The following FRAS1 variants were observed in gnomAD, a reference collection of about 807,000 sequenced individuals.
FRAS1 encodes the protein extracellular matrix organizing protein FRAS1.
A neutral mutation model predicts 435.2 loss-of-function variants in FRAS1; 290 were observed. The ratio of observed to expected loss-of-function variants is 0.67; its 90% CI spans 0.61 to 0.73. The LOEUF (loss-of-function observed/expected upper bound fraction) is 0.73. Among genes scored for constraint, FRAS1 ranks in the 30% least tolerant of loss-of-function variants. The pLI, the probability that FRAS1 is intolerant of heterozygous loss-of-function variation, is 0.00. For synonymous variants in FRAS1, 1,800 were observed against 1,851.0 expected, an observed-to-expected ratio of 0.97 and a Z score of 0.71; for missense variants, 4,860 against 5,001.5, an observed-to-expected ratio of 0.97 and a Z score of 0.85.
chr4:78,284,229 A>ATTTTTTTTTTTT lies in FRAS1; in HGVS notation c.1256-164_1256-153dup, dbSNP rs11453256. 1.8e-3 allele frequency among the ~76,000 whole-genome samples: 144 copies of ATTTTTTTTTTTT among 80,714 alleles called. 1 individual carries two copies. Among genetic ancestry groups the ATTTTTTTTTTTT allele is most frequent in the Non-Finnish European group, 2.4e-3 (100 of 42,346 alleles). The allele number at this position is 80,714 out of a possible 152,430, so 53.0% of individuals were successfully genotyped here. A position where few individuals can be genotyped will look rare whatever the true frequency, so the allele number is the denominator to read the frequency against. On this transcript the variant is annotated intron_variant, in intron 12 of 73. Transcript: ENST00000512123. ...TCCTTGCAATCTTGCATTGGAATGTATTTTTTTTTTTTTTTTTTTTTTTGC... is the reference window on the plus strand; with the variant it reads ...TCCTTGCAATCTTGCATTGGAATGTATTTTTTTTTTTTTTTTTTTTTTTTTTTTTTTTTTTGC...
At chr4:78,391,658 A>G (rs1351816081) in intron 29 of FRAS1, among the ~76,000 whole-genome samples, 1 of 152,084 alleles carries the variant, frequency 6.6e-6, no homozygotes, top group African/African-American at 2.4e-5. Flanking sequence ...TTACTCTTTG[A>G]GCAGTATTTT....
At chr4:78,457,321 G>T (rs887766104) in intron 47 of FRAS1, among the ~76,000 whole-genome samples, 4 of 152,182 alleles carry the variant, frequency 2.6e-5, no homozygotes, top group African/African-American at 7.2e-5. Flanking sequence ...TGCACCACAG[G>T]GGGGCAGTGG....
intron 57 of FRAS1, 130 bp downstream of exon 57, chr4:78,482,094 A>C: frequency 1.0e-6 from 1 of 964,244 alleles, no homozygotes; most frequent in Non-Finnish European, 1.5e-6. Flanking sequence ...AAAAACACAC[A>C]TACATAAACA....
At chr4:78,428,980 A>C (rs1466976244) in intron 35 of FRAS1, 115 bp from the exon 36 acceptor site, 2 of 1,065,434 alleles carry the variant, frequency 1.9e-6, no homozygotes, top group African/African-American at 3.2e-5. Context: ...TTCTAGCTAC[A>C]TATTTGTGGA....
At chr4:78,327,413 C>T (rs1729764562) in intron 18 of FRAS1, among the ~76,000 whole-genome samples, 1 of 152,098 alleles carries the variant, frequency 6.6e-6, no homozygotes, top group Non-Finnish European at 1.5e-5. Context: ...AAAGTAGGGA[C>T]ACTTTATCAC....
chr4:78,381,958 T>C (rs1168880597), intron 27 of FRAS1, among the ~76,000 whole-genome samples: 2 of 152,114 alleles, frequency 1.3e-5, no homozygotes, highest in Non-Finnish European at 2.9e-5. Context: ...CCATGGAAAA[T>C]AAAATTATTG....
At chr4:78,152,800 G>A (rs531948426) in intron 2 of FRAS1, among the ~76,000 whole-genome samples, 7 of 152,028 alleles carry the variant, frequency 4.6e-5, no homozygotes, top group Admixed American at 2.6e-4. Context: ...TGCTCCTTTG[G>A]TTGGATCTAA....
At position 78,499,888 on chromosome 4, in the gene FRAS1, T is replaced by C; in HGVS notation, c.9283T>C (p.Tyr3095His). 1 of 1,586,782 alleles carries C rather than the reference T, an allele frequency of 6.3e-7. No homozygotes were observed. The highest frequency in any genetic ancestry group is 8.6e-7 in the Non-Finnish European group (1 of 1,160,910). The change falls in exon 61 of 74, where the codon TAC becomes CAC. Residue 3095 changes from tyrosine (Y) to histidine (H), a missense_variant. Coordinates refer to ENST00000512123, the MANE Select transcript of FRAS1 (RefSeq NM_025074.7). The part of the protein sequence containing the change: ...DGSAQSGVDY[Y>H]PKSRVLKFSP... ...CTCTGCCCAGTCTGGTGTGGATTATTACCCAAAGAGCCGAGTCTTGAAGTT... is the reference window on the plus strand; with the variant it reads ...CTCTGCCCAGTCTGGTGTGGATTATCACCCAAAGAGCCGAGTCTTGAAGTT...
At chr4:78,489,963 G>GAAAAAA (rs1553891063) in intron 59 of FRAS1, among the ~76,000 whole-genome samples, 41 of 5,940 alleles carry the variant, frequency 6.9e-3, no homozygotes, top group East Asian at 0.019. Context: ...AAAGCTAGTG[G>GAAAAAA]AAAACAAAAA....
intron 2 of FRAS1, among the ~76,000 whole-genome samples, chr4:78,178,159 GT>G (rs1721853622): frequency 6.6e-6 from 1 of 151,990 alleles, no homozygotes; most frequent in Non-Finnish European, 1.5e-5. Flanking sequence ...TCTTGTGGCT[GT>G]TTTTCTTTCT....
At chr4:78,100,355 T>C (rs1410858161) in intron 2 of FRAS1, among the ~76,000 whole-genome samples, 1 of 152,226 alleles carries the variant, frequency 6.6e-6, no homozygotes, top group Non-Finnish European at 1.5e-5. Context: ...GTTGTGAATA[T>C]GAGGAAATTC....
At chr4:78,510,852 G>T (rs188897988) in intron 63 of FRAS1, among the ~76,000 whole-genome samples, 49 of 152,294 alleles carry the variant, frequency 3.2e-4, no homozygotes, top group African/African-American at 1.2e-3. Context: ...GAGACCATGA[G>T]AATTCCTGGG....
chr4:78,239,978 C>T (rs145405671), intron 3 of FRAS1, among the ~76,000 whole-genome samples: 83 of 152,052 alleles, frequency 5.5e-4, no homozygotes, highest in African/African-American at 1.7e-3. Flanking sequence ...TGGTATTTTT[C>T]GTTTACTGTC....
At chr4:78,460,121 A>G (rs1284745988) in intron 47 of FRAS1, among the ~76,000 whole-genome samples, 1 of 152,190 alleles carries the variant, frequency 6.6e-6, no homozygotes, top group African/African-American at 2.4e-5. Flanking sequence ...GGACATGGAC[A>G]TGGGTAACAT....
chr4:78,063,226 C>A (rs1739837790), intron 1 of FRAS1, among the ~76,000 whole-genome samples: 1 of 152,140 alleles, frequency 6.6e-6, no homozygotes, highest in Admixed American at 6.5e-5. Flanking sequence ...GAAGCTACAC[C>A]CAGTACCCAT....
chr4:78,394,560 G>A (rs1732579606), intron 29 of FRAS1, among the ~76,000 whole-genome samples: 1 of 151,828 alleles, frequency 6.6e-6, no homozygotes, highest in South Asian at 2.1e-4. Context: ...TGTTCCACTG[G>A]TCTATGTATT....
At chr4:78,151,144 T>C (rs750485497) in intron 2 of FRAS1, among the ~76,000 whole-genome samples, 4 of 152,190 alleles carry the variant, frequency 2.6e-5, no homozygotes, top group Non-Finnish European at 4.4e-5. Context: ...ACTAAAGATA[T>C]ACCGTGCTCA....
At chr4:78,206,804 C>T (rs1723279381) in intron 2 of FRAS1, among the ~76,000 whole-genome samples, 1 of 152,186 alleles carries the variant, frequency 6.6e-6, no homozygotes, top group Admixed American at 6.5e-5. Flanking sequence ...AAGTCTTGGC[C>T]TCCTGACTTC....
chr4:78,152,688 G>T (rs58133582), intron 2 of FRAS1, among the ~76,000 whole-genome samples: 5,464 of 126,024 alleles, frequency 0.043, 334 homozygotes, highest in African/African-American at 0.15. Flanking sequence ...CTAATAACTT[G>T]TAGATCATGA....
Sources: allele counts gnomAD v4.1 joint callset (sites outside exome capture counted in the v4.1 genomes callset), GRCh38; gene constraint gnomAD v4.1.1; transcripts MANE v1.5; gene names NCBI Gene and HGNC (gene_info 2026-07-23, HGNC 2026-07-21).